AFAP1L1: variants seen among roughly 807,000 people sequenced by gnomAD.
The protein encoded by AFAP1L1 is actin filament-associated protein 1-like 1.
In AFAP1L1, 77 loss-of-function variants were observed where a neutral mutation model predicts 99.8. That is an observed-to-expected ratio of 0.77 (90% CI 0.64 to 0.93). The LOEUF (loss-of-function observed/expected upper bound fraction) is 0.93. Among genes scored for constraint, AFAP1L1 ranks in the 40% least tolerant of loss-of-function variants. The probability of loss-of-function intolerance (pLI) is 0.00; values close to 1 mark genes in which losing one functional copy is unlikely to be tolerated. For synonymous variants in AFAP1L1, 373 were observed against 395.3 expected, an observed-to-expected ratio of 0.94 and a Z score of 0.67; for missense variants, 893 against 996.8, an observed-to-expected ratio of 0.90 and a Z score of 1.40.
intron 7 of AFAP1L1, among the ~76,000 whole-genome samples, chr5:149,307,857 T>TCTC (rs57582125): frequency 2.7e-5 from 4 of 147,624 alleles, no homozygotes; most frequent in African/African-American, 5.0e-5. Context: ...TCTCTCTCTC[T>TCTC]TAAATTTAAA....
intron 1 of AFAP1L1, among the ~76,000 whole-genome samples, chr5:149,295,545 GAAAC>G (rs1437853986): frequency 4.1e-5 from 6 of 147,882 alleles, no homozygotes; most frequent in African/African-American, 7.5e-5. Flanking sequence ...AGGAAAGAAA[GAAAC>G]AAAAGAAGGG....
chr5:149,327,518 A>G (rs1757130608), intron 15 of AFAP1L1, among the ~76,000 whole-genome samples: 2 of 152,122 alleles, frequency 1.3e-5, no homozygotes, highest in South Asian at 4.1e-4. Flanking sequence ...ATATTATACT[A>G]TACTATATAG....
At chr5:149,310,240 GT>G in intron 8 of AFAP1L1, 105 bp downstream of exon 8, 1 of 1,393,370 alleles carries the variant, frequency 7.2e-7, no homozygotes, top group Non-Finnish European at 9.5e-7. Context: ...CTCTTGCTCA[GT>G]GCCTGAGCCC....
chr5:149,276,216 G>A (rs1475147336), intron 1 of AFAP1L1, among the ~76,000 whole-genome samples: 3 of 152,216 alleles, frequency 2.0e-5, no homozygotes, highest in Non-Finnish European at 2.9e-5. Context: ...CACAGCAATT[G>A]CTGTGAATTT....
chr5:149,283,595 T>G (rs1755588280), intron 1 of AFAP1L1, among the ~76,000 whole-genome samples: 1 of 152,172 alleles, frequency 6.6e-6, no homozygotes, highest in African/African-American at 2.4e-5. Flanking sequence ...TTGTTCAATA[T>G]GAAAATATCT....
intron 5 of AFAP1L1, 96 bp from the exon 6 acceptor site, chr5:149,306,210 C>T (rs1264641279): frequency 1.6e-5 from 17 of 1,039,514 alleles, no homozygotes; most frequent in Non-Finnish European, 4.2e-6. Flanking sequence ...TGTCTCTTCC[C>T]TGAGGTGGAG....
rs745973835 is a variant in AFAP1L1, at chr5:149,329,783, T to G, written c.1928T>G (p.Leu643Arg). 1 of 1,613,670 alleles carries G rather than the reference T, an allele frequency of 6.2e-7. No homozygotes were observed. The highest frequency in any genetic ancestry group is 2.2e-5 in the East Asian group (1 of 44,880). The change falls in exon 16 of 19, where the codon CTG (leucine) becomes CGG (arginine). Residue 643 changes from leucine (L) to arginine (R), a missense_variant. Leu to Arg is a moderately radical substitution (Grantham distance 102). Coordinates refer to ENST00000296721, the MANE Select transcript of AFAP1L1 (RefSeq NM_152406.4). ...ACGATTCGGACAGAGCTGATAGCAC[T>G]GAGACAGGAGAAGAGGGAACTGAAG... ...KETIRTELIA[L>R]RQEKRELKEA...
rs1205878092 is a variant in AFAP1L1, at chr5:149,341,180, G to A, written c.*1150G>A. 6.6e-6 allele frequency: 1 copy of A among 152,116 alleles called. No individual in the cohort carries two copies. The highest frequency in any genetic ancestry group is 2.4e-5 in the African/African-American group (1 of 41,398). The allele number at this position is 152,116 out of a possible 1,614,324, so 9.4% of individuals were successfully genotyped here. A position where few individuals can be genotyped will look rare whatever the true frequency, so the allele number is the denominator to read the frequency against. The stretch of plus-strand genomic sequence containing the variant: ...TAAGTGCCAGTGCTTAGCTCAAGAG[G>A]AAAGAAGGAAAATCCCAGAATAACC... On this transcript the variant is annotated 3_prime_UTR_variant, in exon 19 of 19. Transcript: ENST00000296721.
intron 15 of AFAP1L1, among the ~76,000 whole-genome samples, chr5:149,323,799 C>A (rs1177247286): frequency 6.6e-6 from 1 of 152,164 alleles, no homozygotes; most frequent in East Asian, 1.9e-4. Flanking sequence ...TTGCACTCTA[C>A]TCTCAGAGGC....
Position 149,329,826 on chromosome 5 carries a change from C to T in AFAP1L1, c.1971C>T (p.Ser657=), listed in dbSNP as rs1757204430. ...KRELKEAIRS[S]PGAKLKALEE... ...AACTGAAGGAAGCCATTCGGAGCAG[C>T]CCAGGTACCTATGTGGGTGTGGTCC... Residue 657 remains serine, a synonymous_variant, in exon 16 of 19, where the codon AGC becomes AGT. Transcript: ENST00000296721. 6.2e-7 allele frequency: 1 copy of T among 1,608,146 alleles called. No homozygotes were observed. The highest frequency in any genetic ancestry group is 2.2e-5 in the East Asian group (1 of 44,758).
chr5:149,340,137 G>A lies in AFAP1L1; in HGVS notation c.*107G>A, dbSNP rs998166995. ...AAGAGAAGACTAGGAAGTAGCCCTC[G>A]TTCTCCAGGGCACCCAAAATACCAG... is the stretch of plus-strand genomic sequence containing the variant. On this transcript the variant is annotated 3_prime_UTR_variant, in exon 19 of 19. Coordinates refer to ENST00000296721, the MANE Select transcript of AFAP1L1 (RefSeq NM_152406.4). 60 of 1,334,632 alleles carry A rather than the reference G, an allele frequency of 4.5e-5. No individual in the cohort carries two copies. Among genetic ancestry groups the A allele is most frequent in the Non-Finnish European group, 5.4e-5 (51 of 948,478 alleles). 82.7% of individuals were successfully genotyped at this position (1,334,632 alleles called of 1,614,324 possible).
chr5:149,331,108 A>G (rs1757242561), intron 16 of AFAP1L1, among the ~76,000 whole-genome samples: 1 of 152,114 alleles, frequency 6.6e-6, no homozygotes. Context: ...AGCACTTGGC[A>G]TGAGAAAGGT....
chr5:149,290,538 A>G (rs1221005095), intron 1 of AFAP1L1, among the ~76,000 whole-genome samples: 5 of 152,192 alleles, frequency 3.3e-5, no homozygotes, highest in Admixed American at 2.6e-4. Flanking sequence ...ATCTGTTATT[A>G]TTTCTGAATG....
chr5:149,292,928 G>A (rs1233405295), intron 1 of AFAP1L1, among the ~76,000 whole-genome samples: 1 of 152,174 alleles, frequency 6.6e-6, no homozygotes, highest in African/African-American at 2.4e-5. Flanking sequence ...AGAAGATATT[G>A]TCTCCTCACC....
intron 2 of AFAP1L1, 75 bp downstream of exon 2, chr5:149,299,712 A>C: frequency 6.3e-7 from 1 of 1,593,830 alleles, no homozygotes; most frequent in Non-Finnish European, 8.6e-7. Flanking sequence ...TGACTCAAGA[A>C]CATGCAGGAA....
intron 5 of AFAP1L1, 187 bp downstream of exon 5, chr5:149,302,713 G>C: frequency 2.0e-6 from 1 of 505,960 alleles, no homozygotes; most frequent in Non-Finnish European, 3.4e-6. Flanking sequence ...GGACCAATAT[G>C]TGGGGCCCCA....
chr5:149,311,835 C>T (rs747064077), intron 8 of AFAP1L1, among the ~76,000 whole-genome samples: 19 of 152,180 alleles, frequency 1.2e-4, no homozygotes, highest in Non-Finnish European at 2.4e-4. Flanking sequence ...CACTGAGGCC[C>T]AGAGCAGGGA....
chr5:149,331,299 A>T (rs934659162), intron 16 of AFAP1L1, among the ~76,000 whole-genome samples: 28 of 152,174 alleles, frequency 1.8e-4, no homozygotes, highest in African/African-American at 5.5e-4. Context: ...AAAATTTTTT[A>T]AAAATTTTTA....
In AFAP1L1 at chr5:149,312,124, G is replaced by A. The variant is rs1200875957; in HGVS notation, c.940G>A (p.Val314Met). 1 of 1,613,654 alleles carries A rather than the reference G, an allele frequency of 6.2e-7. No individual in the cohort carries two copies. Among genetic ancestry groups the A allele is most frequent in the Non-Finnish European group, 8.5e-7 (1 of 1,179,988 alleles). ...GTCCTCTTCACAGGTCATCCGAGAA[G>A]TGAGCAAGCCAGTTGGGGGAGCTGA... ...AEEWLKVIRE[V>M]SKPVGGAEGV... is the part of the protein sequence containing the mutation. Residue 314 changes from valine (V) to methionine (M), a missense_variant, in exon 9 of 19, where the codon GTG becomes ATG. Coordinates refer to ENST00000296721, the MANE Select transcript of AFAP1L1 (RefSeq NM_152406.4).
Sources: allele counts gnomAD v4.1 joint callset (sites outside exome capture counted in the v4.1 genomes callset), GRCh38; gene constraint gnomAD v4.1.1; transcripts MANE v1.5; gene names NCBI Gene and HGNC (gene_info 2026-07-23, HGNC 2026-07-21).